Variants in SDK1 observed in about 807,000 individuals in gnomAD.
SDK1 encodes protein sidekick-1.
Under a neutral mutation model 245.5 loss-of-function variants are expected in SDK1, and 157 were observed. The observed-to-expected ratio is 0.64, with a 90% CI of 0.56 to 0.73. SDK1 has a LOEUF of 0.73. Ranked by LOEUF, SDK1 falls within the 30% of genes least tolerant of loss-of-function variation. The pLI is 0.00. For synonymous variants in SDK1, 1,647 were observed against 1,278.5 expected, an observed-to-expected ratio of 1.29 and a Z score of -6.15; for missense variants, 3,583 against 3,002.3, an observed-to-expected ratio of 1.19 and a Z score of -4.52.
rs148786710 is a variant in SDK1 at position 3,812,975 on chromosome 7, C to G, written c.714-8475C>G. ...GCTTTTAAGATGTTTTTCTTACACC[C>G]AGAGCAAATGGTCAGCAGCAAGTGT... is the stretch of plus-strand genomic sequence containing the variant. On this transcript the variant is annotated intron_variant, in intron 4 of 44. Transcript: ENST00000404826. Among the ~76,000 whole-genome samples, 886 of 152,254 alleles carry G rather than the reference C, an allele frequency of 5.8e-3. 15 individuals carry two copies. Among genetic ancestry groups the G allele is most frequent in the Non-Finnish European group, 4.9e-3 (335 of 68,006 alleles).
intron 1 of SDK1, among the ~76,000 whole-genome samples, chr7:3,456,123 G>C (rs1368312320): frequency 1.3e-5 from 2 of 152,156 alleles, no homozygotes; most frequent in Non-Finnish European, 2.9e-5. Flanking sequence ...TCCTCTATAA[G>C]TACAGTGTTG....
At chr7:3,567,239 G>T (rs1208798548) in intron 1 of SDK1, among the ~76,000 whole-genome samples, 2 of 152,148 alleles carry the variant, frequency 1.3e-5, no homozygotes, top group African/African-American at 4.8e-5. Context: ...TATTAGCTTT[G>T]CAACCTCGAC....
intron 4 of SDK1, among the ~76,000 whole-genome samples, chr7:3,735,455 A>G (rs1002455062): frequency 4.6e-5 from 7 of 152,214 alleles, no homozygotes; most frequent in Non-Finnish European, 7.3e-5. Context: ...TTCACTTGGT[A>G]TAATGTCTCC....
chr7:3,350,284 G>T (rs1455669365), intron 1 of SDK1, among the ~76,000 whole-genome samples: 1 of 151,704 alleles, frequency 6.6e-6, no homozygotes, highest in African/African-American at 2.4e-5. Flanking sequence ...ATCAGTGTCT[G>T]TGTGGGCGTT....
intron 5 of SDK1, among the ~76,000 whole-genome samples, chr7:3,874,602 C>G (rs539419091): frequency 6.6e-6 from 1 of 152,288 alleles, no homozygotes; most frequent in Admixed American, 6.5e-5. Flanking sequence ...CTTCTCCACC[C>G]CCGTTCCCCT....
At position 4,220,201 on chromosome 7, in the gene SDK1, C is replaced by T. The variant is rs763370088; in HGVS notation, c.5632C>T (p.Arg1878Cys). ...DLTKGVTYFF[R>C]VQARTITYGP... ...CACCAAGGGAGTGACCTATTTCTTC[C>T]GTGTCCAAGCGCGGACCATCACCTA... The change falls in exon 39 of 45, where the codon CGT becomes TGT. Residue 1878 changes from arginine to cysteine, a missense_variant. Arg to Cys is a radical substitution (Grantham distance 180, BLOSUM62 -3). Coordinates refer to ENST00000404826, the MANE Select transcript of SDK1 (RefSeq NM_152744.4). 23 of 1,613,934 alleles carry T rather than the reference C, an allele frequency of 1.4e-5. No homozygotes were observed. The South Asian group carries it at 1.5e-4, about 11-fold the overall frequency.
intron 29 of SDK1, among the ~76,000 whole-genome samples, chr7:4,148,302 A>G (rs542224803): frequency 2.6e-5 from 4 of 152,360 alleles, no homozygotes; most frequent in Admixed American, 2.6e-4. Flanking sequence ...AATCAGAATC[A>G]ATAATCTTCA....
chr7:3,349,970 G>A (rs1349731601), intron 1 of SDK1, among the ~76,000 whole-genome samples: 1 of 152,222 alleles, frequency 6.6e-6, no homozygotes, highest in African/African-American at 2.4e-5. Flanking sequence ...CTTGGGCAGT[G>A]CTGGACTCTT....
At position 4,266,854 on chromosome 7, in the gene SDK1, C is replaced by G. The variant is rs1788502305; in HGVS notation, c.*1470C>G. On this transcript the variant is annotated 3_prime_UTR_variant, in exon 45 of 45. Coordinates refer to ENST00000404826, the MANE Select transcript of SDK1 (RefSeq NM_152744.4). ...GCGTGACACACACAAGACTCAAGAC[C>G]ACCCTGTCAGTGCCCCCCAGTGCAC... 1.0e-6 allele frequency: 1 copy of G among 985,460 alleles called. No individual in the cohort carries two copies. Among genetic ancestry groups the G allele is most frequent in the Admixed American group, 6.1e-5 (1 of 16,270 alleles). 61.0% of individuals were successfully genotyped at this position (985,460 alleles called of 1,614,324 possible).
At chr7:4,215,873 C>T (rs1489243210) in intron 38 of SDK1, among the ~76,000 whole-genome samples, 1 of 152,184 alleles carries the variant, frequency 6.6e-6, no homozygotes, top group Non-Finnish European at 1.5e-5. Context: ...CACCGTGGTC[C>T]TATGAGGTAA....
intron 1 of SDK1, among the ~76,000 whole-genome samples, chr7:3,534,261 A>T (rs1425334846): frequency 1.3e-5 from 2 of 152,090 alleles, no homozygotes; most frequent in Non-Finnish European, 1.5e-5. Context: ...CATTATATGT[A>T]TATACTACAT....
At chr7:3,614,178 C>A (rs1438188925) in intron 1 of SDK1, among the ~76,000 whole-genome samples, 1 of 152,130 alleles carries the variant, frequency 6.6e-6, no homozygotes, top group Admixed American at 6.5e-5. Context: ...TATTCCTGTC[C>A]TTTGGGCAGA....
chr7:3,908,152 C>T (rs573018435), intron 5 of SDK1, among the ~76,000 whole-genome samples: 35 of 152,238 alleles, frequency 2.3e-4, no homozygotes, highest in African/African-American at 7.0e-4. Context: ...CCTGGAGTAA[C>T]GTGCTGAGGG....
chr7:3,443,389 G>C (rs1780253944), intron 1 of SDK1, among the ~76,000 whole-genome samples: 1 of 152,156 alleles, frequency 6.6e-6, no homozygotes, highest in African/African-American at 2.4e-5. Context: ...ATTTGGAATA[G>C]TTGAAGACTA....
rs745844934 is a variant in SDK1 at position 4,095,591 on chromosome 7, G to A, written c.3325-15072G>A. Among the ~76,000 whole-genome samples the A allele has an allele frequency of 7.0e-4, 105 of 150,536 alleles. 1 individual carries two copies. Among genetic ancestry groups the A allele is most frequent in the Non-Finnish European group, 1.3e-3 (90 of 67,814 alleles). On this transcript the variant is annotated intron_variant, in intron 22 of 44. Coordinates refer to ENST00000404826, the MANE Select transcript of SDK1 (RefSeq NM_152744.4). ...TTTATTTATTTATTTATTTTTTTCC[G>A]AGACGGAGTCTCGCTCTGTCTCACA... is the stretch of plus-strand genomic sequence containing the variant.
chr7:4,129,929 C>G lies in SDK1; in HGVS notation c.3961C>G (p.Leu1321Val). ...ACAGATCCTGTTCCGGGCCAAAGAC[C>G]TGGATCCCGAGCCCAGGAGCCACAT... ...GYKILFRAKD[L>V]DPEPRSHIVR... The change falls in exon 27 of 45, where the codon CTG becomes GTG. Residue 1321 changes from leucine (L) to valine (V), a missense_variant. Coordinates refer to ENST00000404826, the MANE Select transcript of SDK1 (RefSeq NM_152744.4). 6.2e-7 allele frequency: 1 copy of G among 1,613,738 alleles called. No individual in the cohort carries two copies. The highest frequency in any genetic ancestry group is 1.3e-5 in the African/African-American group (1 of 75,060).
At position 3,344,459 on chromosome 7, in the gene SDK1, G is replaced by C. The variant is rs563415256; in HGVS notation, c.298+42575G>C. ...TAAGTAGTGGCAGTTATTAGCTTTT[G>C]AGAACAGTTTCTCTTGCAGTTTCAA... is the stretch of plus-strand genomic sequence containing the variant. On this transcript the variant is annotated intron_variant, in intron 1 of 44. Transcript: ENST00000404826. 2.0e-5 allele frequency among the ~76,000 whole-genome samples: 3 copies of C among 152,112 alleles called. No homozygotes were observed. The South Asian group carries it at 6.2e-4, about 32-fold the overall frequency.
At chr7:3,446,551 T>G (rs569460403) in intron 1 of SDK1, among the ~76,000 whole-genome samples, 34 of 152,322 alleles carry the variant, frequency 2.2e-4, no homozygotes, top group Middle Eastern at 3.4e-3. Context: ...TTGCAGAAGC[T>G]GTATCATGCT....
rs746258010 is a variant in SDK1, at chr7:3,969,321, T to C, written c.1611T>C (p.Gly537=). ...GGTTCATGCTTCTTGAATCGGGGGG[T>C]CTACAGATCGCGCCCGTCTTCATCC... ...IPRFMLLESG[G]LQIAPVFIQD... is the part of the protein sequence containing the mutation. Residue 537 remains glycine (G), a synonymous_variant, in exon 11 of 45, where the codon GGT becomes GGC. Coordinates refer to ENST00000404826, the MANE Select transcript of SDK1 (RefSeq NM_152744.4). 7.4e-6 allele frequency: 12 copies of C among 1,610,780 alleles called. 1 individual carries two copies. The South Asian group carries it at 1.1e-4, about 15-fold the overall frequency.
Sources: gnomAD v4.1 joint callset for allele counts (sites outside exome capture counted in the v4.1 genomes callset) on GRCh38, gnomAD v4.1.1 for gene constraint, MANE v1.5 for transcripts, NCBI Gene and HGNC (gene_info 2026-07-23, HGNC 2026-07-21) for gene names.